Variants in ALPK2 observed in about 807,000 individuals in gnomAD.
ALPK2 encodes the protein alpha-protein kinase 2.
ALPK2 carries 127 observed loss-of-function variants against 163.1 expected under a neutral mutation model. The ratio of observed to expected loss-of-function variants is 0.78; its 90% CI spans 0.67 to 0.90. The LOEUF is 0.90. ALPK2 is among the 40% of genes least tolerant of loss of function. ALPK2 has a pLI of 0.00. For synonymous variants in ALPK2, 953 were observed against 959.1 expected, an observed-to-expected ratio of 0.99 and a Z score of 0.12; for missense variants, 2,360 against 2,589.6, an observed-to-expected ratio of 0.91 and a Z score of 1.92.
In ALPK2 at chr18:58,537,954, C is replaced by T. The variant is rs1285333464; in HGVS notation, c.2233G>A (p.Glu745Lys). ...EDLKYEQSISEANDETMSPGV... is the reference protein window; with the variant it reads ...EDLKYEQSISKANDETMSPGV... The stretch of plus-strand genomic sequence containing the variant: ...GGGGACATAGTCTCATCATTGGCTT[C>T]TGAGATGCTCTGCTCATATTTTAGG... Residue 745 changes from glutamate to lysine, a missense_variant, in exon 5 of 13, where the codon GAA becomes AAA. Transcript: ENST00000361673. 1 of 1,614,110 alleles carries T rather than the reference C, an allele frequency of 6.2e-7. No homozygotes were observed. The highest frequency in any genetic ancestry group is 2.2e-5 in the East Asian group (1 of 44,906).
intron 3 of ALPK2, among the ~76,000 whole-genome samples, chr18:58,598,044 T>C (rs545487032): frequency 2.6e-5 from 4 of 152,298 alleles, no homozygotes; most frequent in East Asian, 3.9e-4. Flanking sequence ...GAAACTTCTG[T>C]TGTTTAGGCC....
rs2051527628 is a variant in ALPK2 at position 58,517,311 on chromosome 18, C to T, written c.5666-129G>A. On this transcript the variant is annotated intron_variant, in intron 8 of 12. Transcript: ENST00000361673. Reference sequence around the variant, plus strand: ...ACCTGCAGAACCAAGAGGGGGCAGACACACTTAACCCTTCAAAAGAGGCAT... The same window carrying T: ...ACCTGCAGAACCAAGAGGGGGCAGATACACTTAACCCTTCAAAAGAGGCAT... 13 of 877,820 alleles carry T rather than the reference C, an allele frequency of 1.5e-5. No individual in the cohort carries two copies. The South Asian group carries it at 2.1e-4, about 14-fold the overall frequency. 54.4% of individuals were successfully genotyped at this position (877,820 alleles called of 1,614,324 possible). A position where few individuals can be genotyped will look rare whatever the true frequency, so the allele number is the denominator to read the frequency against.
chr18:58,500,809 A>G (rs1354169018), intron 11 of ALPK2, among the ~76,000 whole-genome samples: 1 of 151,632 alleles, frequency 6.6e-6, no homozygotes, highest in Non-Finnish European at 1.5e-5. Context: ...ATTCTCCAGA[A>G]TTCAAGGTCT....
At chr18:58,494,458 C>T (rs1431385362) in intron 12 of ALPK2, among the ~76,000 whole-genome samples, 3 of 152,162 alleles carry the variant, frequency 2.0e-5, no homozygotes, top group Non-Finnish European at 4.4e-5. Flanking sequence ...AGAGTAATTA[C>T]TCCTGAAATA....
intron 12 of ALPK2, 52 bp from the exon 13 acceptor site, chr18:58,482,091 T>A: frequency 1.4e-6 from 2 of 1,419,328 alleles, no homozygotes; most frequent in Non-Finnish European, 2.0e-6. Flanking sequence ...GACACTTTCA[T>A]CAGTTTAAAA....
intron 4 of ALPK2, among the ~76,000 whole-genome samples, chr18:58,548,324 T>C (rs555022669): frequency 6.9e-6 from 1 of 144,830 alleles, no homozygotes; most frequent in Non-Finnish European, 1.5e-5. Flanking sequence ...TTTCCTGTGT[T>C]TTGTTTTTTT....
chr18:58,556,915 C>T (rs964981231), intron 4 of ALPK2, among the ~76,000 whole-genome samples: 1 of 152,186 alleles, frequency 6.6e-6, no homozygotes, highest in Admixed American at 6.5e-5. Context: ...CAAACGCTAC[C>T]TACTCCCGAG....
At chr18:58,515,128 C>G (rs377410725) in intron 9 of ALPK2, 47 bp from the exon 10 acceptor site, 1 of 1,430,094 alleles carries the variant, frequency 7.0e-7, no homozygotes, top group African/African-American at 1.4e-5. Context: ...ACAGGAAATT[C>G]AGACAGTATT....
intron 6 of ALPK2, 186 bp downstream of exon 6, chr18:58,528,905 T>C: frequency 4.3e-6 from 3 of 703,424 alleles, no homozygotes; most frequent in Non-Finnish European, 6.8e-6. Context: ...GCAAGAATCC[T>C]CCATCATTTT....
In ALPK2 at chr18:58,498,113, G is replaced by A. The variant is rs762727267; in HGVS notation, c.6248-16C>T. 4.3e-6 allele frequency: 7 copies of A among 1,614,012 alleles called. No homozygotes were observed. The East Asian group carries it at 1.6e-4, about 36-fold the overall frequency. ...ATTCCTACACCTACAGGAAGAGAAAGCAAAGATGGGAGTTTGTGTTACTCA... is the reference window on the plus strand; with the variant it reads ...ATTCCTACACCTACAGGAAGAGAAAACAAAGATGGGAGTTTGTGTTACTCA... On this transcript the variant is annotated splice_polypyrimidine_tract_variant and intron_variant, in intron 11 of 12. Coordinates refer to ENST00000361673, the MANE Select transcript of ALPK2 (RefSeq NM_052947.4).
At position 58,535,463 on chromosome 18, in the gene ALPK2, G is replaced by T. The variant is rs771567860; in HGVS notation, c.4724C>A (p.Pro1575His). ...HDVPENDIVE[P>H]RKRQYVFPVS... The stretch of plus-strand genomic sequence containing the variant: ...AGGAAACACATACTGACGCTTTCTG[G>T]GCTCAACTATGTCATTTTCAGGGAC... The change falls in exon 5 of 13, where the codon CCC (proline) becomes CAC (histidine). Residue 1575 changes from proline to histidine, a missense_variant. Transcript: ENST00000361673. The T allele has an allele frequency of 6.2e-7, 1 of 1,614,174 alleles. No homozygotes were observed. Among genetic ancestry groups the T allele is most frequent in the Non-Finnish European group, 8.5e-7 (1 of 1,180,012 alleles).
intron 6 of ALPK2, among the ~76,000 whole-genome samples, chr18:58,524,783 G>A (rs2051575548): frequency 6.6e-6 from 1 of 152,104 alleles, no homozygotes; most frequent in Non-Finnish European, 1.5e-5. Flanking sequence ...TTCTCAGTTT[G>A]CAGATGAGGA....
chr18:58,554,505 G>C (rs947796029), intron 4 of ALPK2, among the ~76,000 whole-genome samples: 1 of 152,180 alleles, frequency 6.6e-6, no homozygotes, highest in African/African-American at 2.4e-5. Context: ...AGTGGGCACT[G>C]ACCTGCAGGT....
chr18:58,617,811 C>A (rs2052178012), intron 1 of ALPK2, among the ~76,000 whole-genome samples: 1 of 152,134 alleles, frequency 6.6e-6, no homozygotes, highest in Non-Finnish European at 1.5e-5. Flanking sequence ...ACAGTGTCAA[C>A]CCAATCCGTA....
chr18:58,555,898 T>A (rs1232823609), intron 4 of ALPK2, among the ~76,000 whole-genome samples: 1 of 152,192 alleles, frequency 6.6e-6, no homozygotes, highest in East Asian at 1.9e-4. Flanking sequence ...CTCGTCTCAC[T>A]GCAACCTCTG....
intron 2 of ALPK2, among the ~76,000 whole-genome samples, chr18:58,609,180 T>A (rs756363224): frequency 4.6e-5 from 7 of 151,970 alleles, no homozygotes; most frequent in Non-Finnish European, 8.8e-5. Flanking sequence ...AACTGTGGAT[T>A]TTTCCTCCTT....
chr18:58,596,090 G>A (rs746376743), intron 3 of ALPK2, among the ~76,000 whole-genome samples: 9 of 152,190 alleles, frequency 5.9e-5, no homozygotes, highest in Non-Finnish European at 1.2e-4. Flanking sequence ...TGCACTGTGT[G>A]GCTGTTAAGA....
chr18:58,624,635 G>C (rs1356627957), intron 1 of ALPK2, among the ~76,000 whole-genome samples: 8 of 152,080 alleles, frequency 5.3e-5, no homozygotes, highest in Admixed American at 2.0e-4. Flanking sequence ...TGTATTTTCA[G>C]TAGAGGCAGG....
At position 58,536,761 on chromosome 18, in the gene ALPK2, C is replaced by A; in HGVS notation, c.3426G>T (p.Leu1142=). ...ETKQGVQQQS[L]SQQGSLSAPD... ...GTGCAGAAAGAGAACCCTGCTGGGA[C>A]AGGCTCTGCTGCTGGACCCCCTGCT... Residue 1142 remains leucine (L), a synonymous_variant, in exon 5 of 13, where the codon CTG becomes CTT. Coordinates refer to ENST00000361673, the MANE Select transcript of ALPK2 (RefSeq NM_052947.4). 1 of 1,614,208 alleles carries A rather than the reference C, an allele frequency of 6.2e-7. No individual in the cohort carries two copies. Among genetic ancestry groups the A allele is most frequent in the Non-Finnish European group, 8.5e-7 (1 of 1,180,028 alleles).
Sources: gnomAD v4.1 joint callset for allele counts (sites outside exome capture counted in the v4.1 genomes callset) on GRCh38, gnomAD v4.1.1 for gene constraint, MANE v1.5 for transcripts, NCBI Gene and HGNC (gene_info 2026-07-23, HGNC 2026-07-21) for gene names.